LAMB4: variants seen among roughly 807,000 people sequenced by gnomAD.
LAMB4 encodes the protein laminin subunit beta 4.
In LAMB4, 196 loss-of-function variants were observed where a neutral mutation model predicts 199.2. The ratio of observed to expected loss-of-function variants is 0.98; its 90% CI spans 0.88 to 1.11. LAMB4 has a LOEUF of 1.11. LAMB4 is among the 50% of genes least tolerant of loss of function. The pLI is 0.00. For synonymous variants in LAMB4, 744 were observed against 770.6 expected (o/e 0.97, Z 0.57); for missense variants, 2,080 against 2,171.2 (o/e 0.96, Z 0.83).
intron 3 of LAMB4, among the ~76,000 whole-genome samples, chr7:108,114,087 C>T (rs561122277): frequency 6.6e-6 from 1 of 152,228 alleles, no homozygotes; most frequent in South Asian, 2.1e-4. Context: ...TATGTTGGCT[C>T]AGGCAACAGT....
chr7:108,047,955 A>C lies in LAMB4; in HGVS notation c.4279T>G (p.Ser1427Ala). The C allele has an allele frequency of 1.2e-6, 2 of 1,614,148 alleles. No homozygotes were observed. Among genetic ancestry groups the C allele is most frequent in the Non-Finnish European group, 1.7e-6 (2 of 1,180,026 alleles). ...TGTTTGTCCAAATTACGAATAATGG[A>C]TTTTGCTTCCTGGGCTTTTTGGAGG... Reference protein sequence around the residue: ...NALQKAQEAKSIIRNLDKQVR... With the variant: ...NALQKAQEAKAIIRNLDKQVR... The change falls in exon 28 of 34, where the codon TCC becomes GCC. Residue 1427 changes from serine to alanine, a missense_variant. By Grantham distance (99) the Ser-to-Ala change is moderately conservative. Transcript: ENST00000388781.
At chr7:108,055,472 C>T (rs1192757508) in intron 25 of LAMB4, among the ~76,000 whole-genome samples, 160 bp downstream of exon 25, 1 of 152,182 alleles carries the variant, frequency 6.6e-6, no homozygotes, top group East Asian at 1.9e-4. Flanking sequence ...CAAGCGTGAG[C>T]TATGGCGCCC....
In LAMB4 at chr7:108,124,016, T is replaced by A. The variant is rs114876394; in HGVS notation, c.-33-819A>T. On this transcript the variant is annotated intron_variant, in intron 1 of 33. Coordinates refer to ENST00000388781, the MANE Select transcript of LAMB4 (RefSeq NM_007356.3). ...AAGAAGGTAAAATTTGTAATGGTTTTTTTTTTTCCTTTTTTTAAGACAGTG... is the reference window on the plus strand; with the variant it reads ...AAGAAGGTAAAATTTGTAATGGTTTATTTTTTTCCTTTTTTTAAGACAGTG... Among the ~76,000 whole-genome samples the A allele has an allele frequency of 3.0e-3, 459 of 152,110 alleles. 3 individuals carry two copies. The highest frequency in any genetic ancestry group is 0.011 in the African/African-American group (445 of 41,516).
At position 108,054,777 on chromosome 7, in the gene LAMB4, G is replaced by C. The variant is rs552133788; in HGVS notation, c.3755+855C>G. The stretch of plus-strand genomic sequence containing the variant: ...AGGAAACTTTATTTACATAAACAAA[G>C]GCTGTGTCAGATTCCACCTGTGGGC... On this transcript the variant is annotated intron_variant, in intron 25 of 33. Coordinates refer to ENST00000388781, the MANE Select transcript of LAMB4 (RefSeq NM_007356.3). Among the ~76,000 whole-genome samples, 6 of 152,300 alleles carry C rather than the reference G, an allele frequency of 3.9e-5. No homozygotes were observed. In the East Asian group the frequency reaches 1.2e-3, roughly 29 times the overall value.
At chr7:108,026,383 C>T (rs1438686333) in intron 33 of LAMB4, among the ~76,000 whole-genome samples, 1 of 152,110 alleles carries the variant, frequency 6.6e-6, no homozygotes, top group Non-Finnish European at 1.5e-5. Context: ...CTTGTGGTGC[C>T]CTGAAACAAC....
intron 2 of LAMB4, 117 bp downstream of exon 2, chr7:108,123,014 T>C (rs1461402498): frequency 1.2e-6 from 1 of 820,646 alleles, no homozygotes; most frequent in Admixed American, 3.1e-5. Context: ...AACAACAGAA[T>C]AGCTACATAA....
chr7:108,121,523 G>T (rs1315545471), intron 2 of LAMB4, among the ~76,000 whole-genome samples: 1 of 152,150 alleles, frequency 6.6e-6, no homozygotes, highest in East Asian at 1.9e-4. Context: ...GCCGAGGTGG[G>T]TGTTTCACCT....
intron 2 of LAMB4, among the ~76,000 whole-genome samples, chr7:108,122,747 T>C (rs529031186): frequency 6.6e-6 from 1 of 152,344 alleles, no homozygotes; most frequent in South Asian, 2.1e-4. Context: ...GAGCTGCTGC[T>C]TACTTAGAAG....
intron 9 of LAMB4, 32 bp downstream of exon 9, chr7:108,104,466 CT>C: frequency 6.2e-7 from 1 of 1,612,920 alleles, no homozygotes; most frequent in Non-Finnish European, 8.5e-7. Context: ...GCAGAGCACA[CT>C]CAGTCTATGC....
At chr7:108,102,978 C>T (rs2037865706) in intron 10 of LAMB4, 66 bp downstream of exon 10, 4 of 1,408,752 alleles carry the variant, frequency 2.8e-6, no homozygotes, top group African/African-American at 1.4e-5. Context: ...TGCGGGCAGC[C>T]CCAGTAAGAT....
intron 28 of LAMB4, among the ~76,000 whole-genome samples, chr7:108,045,330 C>T (rs2035582570): frequency 6.6e-6 from 1 of 152,166 alleles, no homozygotes; most frequent in South Asian, 2.1e-4. Context: ...GAAATTACTT[C>T]ACTCTTAAAA....
Position 108,037,621 on chromosome 7 carries a change from T to A in LAMB4, c.4472-26A>T, listed in dbSNP as rs200361780. Reference sequence around the variant, plus strand: ...CTTAAATAAGAAGCAGGGTTTTAGGTAATCATGTCTCCTTAACAAACACTG... The same window carrying A: ...CTTAAATAAGAAGCAGGGTTTTAGGAAATCATGTCTCCTTAACAAACACTG... On this transcript the variant is annotated intron_variant, in intron 29 of 33. Transcript: ENST00000388781. 84 of 1,539,220 alleles carry A rather than the reference T, an allele frequency of 5.5e-5. No homozygotes were observed. The African/African-American group carries it at 1.1e-3, about 19-fold the overall frequency.
At chr7:108,037,842 T>C (rs900483470) in intron 29 of LAMB4, among the ~76,000 whole-genome samples, 20 of 152,176 alleles carry the variant, frequency 1.3e-4, no homozygotes, top group Non-Finnish European at 2.5e-4. Flanking sequence ...AAAAACAAAA[T>C]ACTAAAGACT....
chr7:108,026,022 G>C (rs569335304), intron 33 of LAMB4, among the ~76,000 whole-genome samples: 1 of 152,250 alleles, frequency 6.6e-6, no homozygotes, highest in East Asian at 1.9e-4. Context: ...TCAGCACGGA[G>C]GTGTATGCAG....
chr7:108,019,737 G>C (rs1261897195), downstream of LAMB4, among the ~76,000 whole-genome samples: 7 of 152,140 alleles, frequency 4.6e-5, no homozygotes, highest in Non-Finnish European at 8.8e-5. Flanking sequence ...AAAGGAAGAA[G>C]GAGTAGAATG....
intron 14 of LAMB4, 147 bp downstream of exon 14, chr7:108,091,479 T>G: frequency 2.4e-6 from 2 of 826,484 alleles, no homozygotes; most frequent in Non-Finnish European, 3.8e-6. Flanking sequence ...TAATCTGCAT[T>G]TGCAGGTTAT....
intron 14 of LAMB4, among the ~76,000 whole-genome samples, chr7:108,086,081 G>T (rs2037164644): frequency 6.6e-6 from 1 of 152,062 alleles, no homozygotes; most frequent in East Asian, 1.9e-4. Flanking sequence ...CCTTCTTTTG[G>T]GCCTTGCTGT....
chr7:108,102,420 T>C (rs2037845795), intron 10 of LAMB4, among the ~76,000 whole-genome samples: 2 of 151,906 alleles, frequency 1.3e-5, no homozygotes. Context: ...TAATGCAAAA[T>C]ATATGAGTTT....
At chr7:108,017,653 A>T in the LAMB4 span, among the ~76,000 whole-genome samples, 1 of 152,198 alleles carries the variant, frequency 6.6e-6, no homozygotes, top group South Asian at 2.1e-4. Flanking sequence ...CTCCAGAAAA[A>T]GGGCTTTGAG....
Sources: gnomAD v4.1 joint callset for allele counts (sites outside exome capture counted in the v4.1 genomes callset) on GRCh38, gnomAD v4.1.1 for gene constraint, MANE v1.5 for transcripts, NCBI Gene and HGNC (gene_info 2026-07-23, HGNC 2026-07-21) for gene names.